The following SORBS2 variants were observed in gnomAD, a reference collection of about 807,000 sequenced individuals.
SORBS2 encodes the protein sorbin and SH3 domain containing 2.
SORBS2 carries 46 observed loss-of-function variants against 97.7 expected under a neutral mutation model. The observed-to-expected ratio is 0.47, with a 90% CI of 0.37 to 0.60. The LOEUF (loss-of-function observed/expected upper bound fraction) is 0.60. Ranked by LOEUF, SORBS2 falls within the 20% of genes least tolerant of loss-of-function variation. SORBS2 has a pLI of 0.00. For synonymous variants in SORBS2, 476 were observed against 473.4 expected (o/e 1.01, Z -0.07); for missense variants, 1,316 against 1,282.3 (o/e 1.03, Z -0.40).
intron 1 of SORBS2, among the ~76,000 whole-genome samples, chr4:185,839,612 G>T (rs2099210288): frequency 6.6e-6 from 1 of 152,218 alleles, no homozygotes; most frequent in Admixed American, 6.5e-5. Flanking sequence ...TTATGTGCTT[G>T]TAATTTGTTT....
At chr4:185,614,500 C>T (rs991947891) in intron 11 of SORBS2, 10 of 212,148 alleles carry the variant, frequency 4.7e-5, no homozygotes, top group Non-Finnish European at 8.4e-5. Context: ...GGCAGCAAAA[C>T]AACATATTTT....
intron 4 of SORBS2, among the ~76,000 whole-genome samples, chr4:185,664,209 T>C (rs1034021054): frequency 1.2e-4 from 19 of 152,232 alleles, no homozygotes; most frequent in Admixed American, 1.1e-3. Flanking sequence ...TAAAATACTA[T>C]CATTAGCATT....
At chr4:185,624,159 T>A (rs1226004496) in exon 7 of SORBS2, 1 of 1,614,230 alleles carries the variant, frequency 6.2e-7, no homozygotes, top group Admixed American at 1.7e-5. Context: ...CCCCACGCCA[T>A]GGGGCAGCTC....
chr4:185,946,998 C>T (rs1290571074), intron 1 of SORBS2, among the ~76,000 whole-genome samples: 1 of 152,218 alleles, frequency 6.6e-6, no homozygotes, highest in Non-Finnish European at 1.5e-5. Flanking sequence ...AGTGTTCTCA[C>T]CTCCTCCCAT....
At chr4:185,928,143 C>G (rs372404473) in intron 1 of SORBS2, among the ~76,000 whole-genome samples, 4 of 152,150 alleles carry the variant, frequency 2.6e-5, no homozygotes, top group African/African-American at 9.6e-5. Flanking sequence ...CAGTGGCTCA[C>G]ACCTGTAATT....
intron 1 of SORBS2, among the ~76,000 whole-genome samples, chr4:185,857,525 AG>A (rs1398222234): frequency 1.3e-5 from 2 of 152,218 alleles, no homozygotes; most frequent in Non-Finnish European, 2.9e-5. Context: ...ACCCTGAAAA[AG>A]AACAGAATAA....
At chr4:185,892,617 C>T (rs1044365480) in intron 1 of SORBS2, among the ~76,000 whole-genome samples, 2 of 152,106 alleles carry the variant, frequency 1.3e-5, no homozygotes, top group Admixed American at 6.5e-5. Context: ...TGGCACATGT[C>T]GCAACATGGA....
At chr4:185,872,387 C>T (rs1040270993) in intron 1 of SORBS2, among the ~76,000 whole-genome samples, 1 of 152,168 alleles carries the variant, frequency 6.6e-6, no homozygotes, top group Non-Finnish European at 1.5e-5. Flanking sequence ...TTCCATTTTC[C>T]TCCATCTGTA....
chr4:185,673,590 C>A (rs191869651), intron 4 of SORBS2, among the ~76,000 whole-genome samples: 1 of 152,308 alleles, frequency 6.6e-6, no homozygotes, highest in East Asian at 1.9e-4. Flanking sequence ...GGCACCATGC[C>A]AAGATCCTTA....
At chr4:185,897,664 C>T (rs2149820050) in intron 1 of SORBS2, among the ~76,000 whole-genome samples, 1 of 152,296 alleles carries the variant, frequency 6.6e-6, no homozygotes, top group South Asian at 2.1e-4. Context: ...CAGGTATGCT[C>T]CACAGCCTAC....
intron 2 of SORBS2, among the ~76,000 whole-genome samples, chr4:185,757,906 A>C (rs1474345410): frequency 6.6e-6 from 1 of 152,216 alleles, no homozygotes; most frequent in Non-Finnish European, 1.5e-5. Context: ...ATATTTTTGG[A>C]ATATTTTCAA....
At chr4:185,630,469 C>T (rs555806092) in intron 5 of SORBS2, 80 bp downstream of exon 17, 42 of 829,462 alleles carry the variant, frequency 5.1e-5, no homozygotes, top group Middle Eastern at 6.4e-4. Flanking sequence ...ATACTCATTA[C>T]TACTTCACTG....
intron 1 of SORBS2, among the ~76,000 whole-genome samples, chr4:185,912,333 G>C (rs567309936): frequency 1.3e-3 from 193 of 151,830 alleles, no homozygotes; most frequent in African/African-American, 4.5e-3. Flanking sequence ...GCCTGTAATC[G>C]CAGCACTTTG....
At chr4:185,814,153 G>A (rs553419624) in intron 1 of SORBS2, among the ~76,000 whole-genome samples, 123 of 152,188 alleles carry the variant, frequency 8.1e-4, no homozygotes, top group African/African-American at 2.9e-3. Flanking sequence ...GAAAACTCTA[G>A]GTGCACTTGA....
At chr4:185,665,933 C>T (rs1479033966) in intron 4 of SORBS2, 7 of 1,223,742 alleles carry the variant, frequency 5.7e-6, no homozygotes, top group Middle Eastern at 3.6e-4. Flanking sequence ...GAGCCTGTGT[C>T]GTGGCTGTGG....
intron 2 of SORBS2, among the ~76,000 whole-genome samples, chr4:185,689,657 C>T (rs933688686): frequency 2.0e-5 from 3 of 152,192 alleles, no homozygotes; most frequent in Non-Finnish European, 4.4e-5. Context: ...GCTCTGCACT[C>T]GACCTGGGGA....
At chr4:185,897,725 C>A (rs1034715551) in intron 1 of SORBS2, among the ~76,000 whole-genome samples, 5 of 152,114 alleles carry the variant, frequency 3.3e-5, no homozygotes, top group Non-Finnish European at 7.4e-5. Context: ...CAAACCAGCA[C>A]GAGAGGGCGT....
At chr4:185,818,122 A>G (rs2153669789) in intron 1 of SORBS2, among the ~76,000 whole-genome samples, 1 of 152,346 alleles carries the variant, frequency 6.6e-6, no homozygotes, top group East Asian at 1.9e-4. Flanking sequence ...ATTGGATGGG[A>G]GCTATAACCC....
At chr4:185,675,872 C>T (rs186894092) in intron 4 of SORBS2, among the ~76,000 whole-genome samples, 1 of 152,242 alleles carries the variant, frequency 6.6e-6, no homozygotes, top group East Asian at 1.9e-4. Context: ...ATAATACCAG[C>T]TTGTCCTTTA....
Sources: allele counts gnomAD v4.1 joint callset (sites outside exome capture counted in the v4.1 genomes callset), GRCh38; gene constraint gnomAD v4.1.1; transcripts MANE v1.5; gene names NCBI Gene and HGNC (gene_info 2026-07-23, HGNC 2026-07-21).